AOPEP: variants seen among roughly 807,000 people sequenced by gnomAD.
AOPEP encodes the protein aminopeptidase O (putative), also known as aminopeptidase O.
AOPEP carries 77 observed loss-of-function variants against 98.1 expected under a neutral mutation model. That is an observed-to-expected ratio of 0.78 (90% CI 0.65 to 0.95). The LOEUF is 0.95. AOPEP is among the 40% of genes least tolerant of loss of function. AOPEP has a pLI of 0.00. For synonymous variants in AOPEP, 346 were observed against 365.3 expected (o/e 0.95, Z 0.60); for missense variants, 1,024 against 1,024.7 (o/e 1.00, Z 0.01).
intron 1 of AOPEP, among the ~76,000 whole-genome samples, chr9:94,727,850 A>G (rs905970625): frequency 7.2e-5 from 11 of 152,190 alleles, no homozygotes; most frequent in Non-Finnish European, 1.6e-4. Context: ...TATCCCAGGT[A>G]CTGTGTTCAA....
At chr9:94,811,890 A>AC (rs1440351065) in intron 5 of AOPEP, among the ~76,000 whole-genome samples, 2 of 152,238 alleles carry the variant, frequency 1.3e-5, no homozygotes, top group African/African-American at 4.8e-5. Context: ...CTCAAAGGCC[A>AC]CACATGCTTG....
intron 5 of AOPEP, among the ~76,000 whole-genome samples, chr9:94,880,123 C>T (rs1302985091): frequency 6.6e-6 from 1 of 152,158 alleles, no homozygotes; most frequent in Non-Finnish European, 1.5e-5. Flanking sequence ...AGTGTCAGCA[C>T]TAGCTGATTT....
intron 5 of AOPEP, among the ~76,000 whole-genome samples, chr9:94,878,284 C>A (rs1245460254): frequency 2.0e-5 from 3 of 149,182 alleles, no homozygotes; most frequent in African/African-American, 7.5e-5. Flanking sequence ...GAGAAGTATT[C>A]CTGGTCAGCT....
chr9:94,922,442 G>A (rs534248594), intron 5 of AOPEP, among the ~76,000 whole-genome samples: 18 of 152,314 alleles, frequency 1.2e-4, no homozygotes, highest in Admixed American at 9.2e-4. Flanking sequence ...AGCCCAAAGG[G>A]TGAACTGCTG....
chr9:94,979,353 T>C lies in AOPEP; in HGVS notation c.1917-14T>C, dbSNP rs1336857340. ...CTTTTTAATCCTTTACTTTTTGTTG[T>C]TTTATTTCTAAAGGCTTGAGCTGTC... On this transcript the variant is annotated splice_polypyrimidine_tract_variant and intron_variant, in intron 10 of 16. Coordinates refer to ENST00000375315, the MANE Select transcript of AOPEP (RefSeq NM_001193329.3). 2 of 1,583,190 alleles carry C rather than the reference T, an allele frequency of 1.3e-6. No individual in the cohort carries two copies. Among genetic ancestry groups the C allele is most frequent in the Non-Finnish European group, 1.7e-6 (2 of 1,157,142 alleles).
At chr9:95,073,255 G>T (rs1177339165) in intron 14 of AOPEP, among the ~76,000 whole-genome samples, 1 of 152,146 alleles carries the variant, frequency 6.6e-6, no homozygotes, top group Non-Finnish European at 1.5e-5. Context: ...CCTGCATGTT[G>T]ACGCTCTTCT....
intron 1 of AOPEP, among the ~76,000 whole-genome samples, chr9:94,730,189 C>T (rs1333242205): frequency 6.6e-6 from 1 of 150,450 alleles, no homozygotes; most frequent in Admixed American, 6.7e-5. Flanking sequence ...GAGGCTGAGG[C>T]AGGAGAATGG....
chr9:94,861,028 G>A (rs1484476370), intron 5 of AOPEP, among the ~76,000 whole-genome samples: 1 of 152,216 alleles, frequency 6.6e-6, no homozygotes, highest in African/African-American at 2.4e-5. Context: ...CAGCTTCAGT[G>A]TGCTGACAAT....
intron 1 of AOPEP, among the ~76,000 whole-genome samples, chr9:94,737,907 T>G (rs1011965500): frequency 6.6e-6 from 1 of 152,212 alleles, no homozygotes; most frequent in Non-Finnish European, 1.5e-5. Flanking sequence ...TAAACTGCCA[T>G]TTTTGATCTA....
chr9:94,906,971 C>G (rs1588826222), intron 5 of AOPEP, among the ~76,000 whole-genome samples: 1 of 152,290 alleles, frequency 6.6e-6, no homozygotes, highest in Admixed American at 6.5e-5. Context: ...CCAGCTGATA[C>G]TAGAAAGGAG....
chr9:95,141,545 T>C, the AOPEP span, among the ~76,000 whole-genome samples: 1 of 152,184 alleles, frequency 6.6e-6, no homozygotes, highest in South Asian at 2.1e-4. Flanking sequence ...CCCAACATCT[T>C]GATTGTAGGT....
At chr9:94,924,202 C>A in intron 6 of AOPEP, 27 bp downstream of exon 6, 1 of 1,324,756 alleles carries the variant, frequency 7.5e-7, no homozygotes, top group Non-Finnish European at 9.8e-7. Flanking sequence ...CTAAGTATTT[C>A]ACTACCCAGA....
At chr9:94,763,008 A>G in intron 2 of AOPEP, 1 of 319,398 alleles carries the variant, frequency 3.1e-6, no homozygotes, top group South Asian at 2.7e-5. Context: ...GAGTCTGTCT[A>G]CATTTATTAA....
intron 5 of AOPEP, among the ~76,000 whole-genome samples, chr9:94,820,247 G>A (rs1852751331): frequency 1.3e-5 from 2 of 152,008 alleles, no homozygotes; most frequent in Admixed American, 1.3e-4. Context: ...CGCCTGGCCA[G>A]TGCAATTCTT....
chr9:95,006,851 A>G (rs917063116), intron 13 of AOPEP, among the ~76,000 whole-genome samples: 7 of 151,966 alleles, frequency 4.6e-5, no homozygotes, highest in Non-Finnish European at 8.8e-5. Context: ...AAAGAAGGAA[A>G]AGAATTATGG....
intron 16 of AOPEP, among the ~76,000 whole-genome samples, chr9:95,085,050 C>T (rs1470553426): frequency 2.6e-5 from 4 of 152,178 alleles, no homozygotes; most frequent in African/African-American, 9.7e-5. Flanking sequence ...CTCTGGAGTC[C>T]CTTTGATTCA....
In AOPEP at chr9:94,858,092, A is replaced by C. The variant is rs117602861; in HGVS notation, c.1364+57090A>C. On this transcript the variant is annotated intron_variant, in intron 5 of 16. Coordinates refer to ENST00000375315, the MANE Select transcript of AOPEP (RefSeq NM_001193329.3). ...TTTCTAGTTCTAGTTTGAAAAAAAA[A>C]AAAAACAAAAACACATTTAGAACCC... 5.2e-4 allele frequency among the ~76,000 whole-genome samples: 79 copies of C among 152,090 alleles called. 1 individual carries two copies. In the East Asian group the frequency reaches 0.013, roughly 25 times the overall value.
At chr9:95,145,888 C>T in the AOPEP span, among the ~76,000 whole-genome samples, 1 of 151,436 alleles carries the variant, frequency 6.6e-6, no homozygotes, top group Non-Finnish European at 1.5e-5. Context: ...AATTTCAAAA[C>T]AAAAAACAAA....
Position 94,820,357 on chromosome 9 carries a change from G to T in AOPEP, c.1364+19355G>T, listed in dbSNP as rs148496754. On this transcript the variant is annotated intron_variant, in intron 5 of 16. Transcript: ENST00000375315. ...ACCCCCTGTGTTCCTTCATGCAGAT[G>T]CAGGCCAATTAGACGATACATATTA... Among the ~76,000 whole-genome samples the T allele has an allele frequency of 5.3e-4, 81 of 152,202 alleles. No homozygotes were observed. In the East Asian group the frequency reaches 0.013, roughly 24 times the overall value.
Sources: gnomAD v4.1 joint callset for allele counts (sites outside exome capture counted in the v4.1 genomes callset) on GRCh38, gnomAD v4.1.1 for gene constraint, MANE v1.5 for transcripts, NCBI Gene and HGNC (gene_info 2026-07-23, HGNC 2026-07-21) for gene names.